The following TSNARE1 variants were observed in gnomAD, a reference collection of about 807,000 sequenced individuals.
TSNARE1 encodes the protein t-SNARE domain containing 1.
In TSNARE1, 49 loss-of-function variants were observed where a neutral mutation model predicts 62.0. The ratio of observed to expected loss-of-function variants is 0.79; its 90% CI spans 0.63 to 1.00. The LOEUF (loss-of-function observed/expected upper bound fraction) is 1.00. Among genes scored for constraint, TSNARE1 ranks in the 50% least tolerant of loss-of-function variants. The pLI, the probability that TSNARE1 is intolerant of heterozygous loss-of-function variation, is 0.00. For missense variants in TSNARE1, 755 were observed against 700.1 expected, an observed-to-expected ratio of 1.08 and a Z score of -0.88; for synonymous variants, 328 against 294.4, an observed-to-expected ratio of 1.11 and a Z score of -1.17.
intron 6 of TSNARE1, among the ~76,000 whole-genome samples, chr8:142,330,454 G>A (rs776222006): frequency 3.9e-5 from 6 of 152,350 alleles, no homozygotes; most frequent in African/African-American, 7.2e-5. Context: ...AAGCAAGATC[G>A]GACGCCCCAC....
At chr8:142,256,333 G>GTCACCATCACCA (rs1818558302) in intron 12 of TSNARE1, among the ~76,000 whole-genome samples, 1 of 2,402 alleles carries the variant, frequency 4.2e-4, no homozygotes, top group Non-Finnish European at 9.3e-4. Context: ...CACCATCTTT[G>GTCACCATCACCA]CCACCATCAT....
intron 2 of TSNARE1, among the ~76,000 whole-genome samples, chr8:142,350,779 C>A (rs1833993737): frequency 6.6e-6 from 1 of 152,192 alleles, no homozygotes; most frequent in African/African-American, 2.4e-5. Flanking sequence ...ACACAAAAAT[C>A]AATTACACCA....
chr8:142,348,366 A>T (rs1833650181), intron 2 of TSNARE1, among the ~76,000 whole-genome samples: 1 of 152,112 alleles, frequency 6.6e-6, no homozygotes, highest in Admixed American at 6.5e-5. Flanking sequence ...CTGAGTCAGC[A>T]CTCGCACAAA....
At chr8:142,330,792 A>C in intron 6 of TSNARE1, 109 bp downstream of exon 6, 3 of 1,107,504 alleles carry the variant, frequency 2.7e-6, no homozygotes, top group Non-Finnish European at 4.1e-6. Flanking sequence ...AGCTGTGCGC[A>C]AGCAGCTGTG....
upstream of TSNARE1, chr8:142,406,344 C>G (rs1173272662): frequency 6.6e-6 from 1 of 152,282 alleles, no homozygotes; most frequent in Non-Finnish European, 1.5e-5. Context: ...CTCCTAAGCT[C>G]ACGGGAGTGG....
chr8:142,317,927 C>T (rs1828835682), intron 7 of TSNARE1, among the ~76,000 whole-genome samples: 1 of 152,174 alleles, frequency 6.6e-6, no homozygotes, highest in African/African-American at 2.4e-5. Context: ...CACTGCACTT[C>T]AGCCTGGGAG....
chr8:142,388,943 T>C (rs1194679259), intron 1 of TSNARE1, among the ~76,000 whole-genome samples: 2 of 152,310 alleles, frequency 1.3e-5, no homozygotes, highest in East Asian at 1.9e-4. Context: ...AAAATATTCC[T>C]TGGAACAACA....
intron 12 of TSNARE1, among the ~76,000 whole-genome samples, chr8:142,247,424 C>T (rs1468141362): frequency 6.6e-6 from 1 of 152,180 alleles, no homozygotes; most frequent in Non-Finnish European, 1.5e-5. Flanking sequence ...TTTCTTCTTT[C>T]CTGTTTCTCT....
intron 2 of TSNARE1, among the ~76,000 whole-genome samples, chr8:142,353,181 TGCA>T: frequency 6.6e-6 from 1 of 152,226 alleles, no homozygotes; most frequent in East Asian, 1.9e-4. Context: ...CCTCAGTTCA[TGCA>T]GTCCACCCCT....
chr8:142,398,453 A>T (rs1460540754), intron 1 of TSNARE1, among the ~76,000 whole-genome samples: 2 of 149,518 alleles, frequency 1.3e-5, no homozygotes, highest in Admixed American at 6.7e-5. Context: ...GCACAACCCC[A>T]GCAGAGTCAG....
At chr8:142,329,041 C>CT (rs1168135937) in intron 6 of TSNARE1, among the ~76,000 whole-genome samples, 17 of 152,206 alleles carry the variant, frequency 1.1e-4, no homozygotes, top group African/African-American at 4.1e-4. Context: ...AAGGTATATT[C>CT]TTTAAATGTC....
At chr8:142,375,270 C>T (rs1444534321) in intron 1 of TSNARE1, among the ~76,000 whole-genome samples, 1 of 152,248 alleles carries the variant, frequency 6.6e-6, no homozygotes, top group Non-Finnish European at 1.5e-5. Context: ...TGCATGTGGC[C>T]CCTTGAGGAC....
chr8:142,348,462 ACTCCCGGCCGCCCCAAGCTGGCTG>A (rs1563964583), intron 2 of TSNARE1, among the ~76,000 whole-genome samples: 30 of 143,976 alleles, frequency 2.1e-4, no homozygotes. Context: ...GAGAAGGAAC[ACTCCCGGCCGCCCCAAGCTGGCTG>A]CTCCCGGCAC....
chr8:142,293,671 G>T (rs1379408203), intron 10 of TSNARE1, among the ~76,000 whole-genome samples: 3 of 152,208 alleles, frequency 2.0e-5, no homozygotes, highest in Non-Finnish European at 4.4e-5. Flanking sequence ...TGGAGACCTG[G>T]CTGTCATCCC....
intron 7 of TSNARE1, among the ~76,000 whole-genome samples, chr8:142,316,496 T>C (rs1437949277): frequency 6.6e-6 from 1 of 151,772 alleles, no homozygotes; most frequent in Non-Finnish European, 1.5e-5. Context: ...CTTTTTTAAG[T>C]ACAAGTTTTA....
rs532627645 is a variant in TSNARE1, at chr8:142,300,631, G to T, written c.1145C>A (p.Pro382Gln). The T allele has an allele frequency of 2.2e-5, 35 of 1,613,206 alleles. No individual in the cohort carries two copies. In the South Asian group the frequency reaches 3.6e-4, roughly 17 times the overall value. ...QRGSKQSPQAPFAELADDEKV... is the reference protein window; with the variant it reads ...QRGSKQSPQAQFAELADDEKV... ...CTCATCATCAGCCAGCTCGGCAAAC[G>T]GGGCCTGGGGACTCTGCTGATGACA... The change falls in exon 10 of 14, where the codon CCG becomes CAG. Residue 382 changes from proline (P) to glutamine (Q), a missense_variant. Physicochemically the swap from Pro to Gln is moderately conservative, Grantham distance 76 (BLOSUM62 -1). Coordinates refer to ENST00000524325, the MANE Select transcript of TSNARE1 (RefSeq NM_145003.5).
chr8:142,267,815 GCA>G (rs2130448456), intron 12 of TSNARE1, among the ~76,000 whole-genome samples: 1 of 152,348 alleles, frequency 6.6e-6, no homozygotes, highest in South Asian at 2.1e-4. Context: ...AATGCAAGAA[GCA>G]CAGTGTCCAA....
chr8:142,274,314 G>A, intron 12 of TSNARE1: 1 of 985,424 alleles, frequency 1.0e-6, no homozygotes, highest in African/African-American at 1.7e-5. Context: ...TGAGTGGCTA[G>A]TCCTCAAGGT....
chr8:142,215,267 C>T (rs1454384628), intron 13 of TSNARE1, among the ~76,000 whole-genome samples: 1 of 152,232 alleles, frequency 6.6e-6, no homozygotes, highest in Non-Finnish European at 1.5e-5. Context: ...AGGCACCCCC[C>T]ACTTCCTAGC....
Sources: gnomAD v4.1 joint callset for allele counts (sites outside exome capture counted in the v4.1 genomes callset) on GRCh38, gnomAD v4.1.1 for gene constraint, MANE v1.5 for transcripts, NCBI Gene and HGNC (gene_info 2026-07-23, HGNC 2026-07-21) for gene names.